Variants in MINK1 observed in about 807,000 individuals in gnomAD.
The protein encoded by MINK1 is misshapen-like kinase 1.
In MINK1, 46 loss-of-function variants were observed where a neutral mutation model predicts 178.4. That is an observed-to-expected ratio of 0.26 (90% CI 0.20 to 0.33). The LOEUF (loss-of-function observed/expected upper bound fraction) is 0.33, where lower values mean the gene tolerates loss of function less well. Ranked by LOEUF, MINK1 falls within the 10% of genes least tolerant of loss-of-function variation. MINK1 has a pLI of 1.00. For missense variants in MINK1, 1,366 were observed against 1,814.9 expected, an observed-to-expected ratio of 0.75 and a Z score of 4.49; for synonymous variants, 797 against 709.7, an observed-to-expected ratio of 1.12 and a Z score of -1.96.
intron 2 of MINK1, among the ~76,000 whole-genome samples, chr17:4,880,584 G>C (rs1188011805): frequency 6.7e-6 from 1 of 148,700 alleles, no homozygotes; most frequent in Non-Finnish European, 1.5e-5. Context: ...ACAGCGCCCG[G>C]CTGAGGGGCA....
chr17:4,873,433 A>G lies in MINK1; in HGVS notation c.58-4884A>G, dbSNP rs56176504. The stretch of plus-strand genomic sequence containing the variant: ...GCCTGTTCTCCCACAGCACAGCATG[A>G]CAATAGAATGTACCTGTGTATCCTT... On this transcript the variant is annotated intron_variant, in intron 1 of 31. Transcript: ENST00000355280. Among the ~76,000 whole-genome samples, 13 of 1,680 alleles carry G rather than the reference A, an allele frequency of 7.7e-3. 1 individual carries two copies. In the African/African-American group the frequency reaches 0.11, roughly 14 times the overall value. The allele number at this position is 1,680 out of a possible 152,430, so 1.1% of individuals were successfully genotyped here.
chr17:4,891,821 G>T (rs1968848511), intron 16 of MINK1, 105 bp downstream of exon 16: 3 of 1,420,336 alleles, frequency 2.1e-6, no homozygotes, highest in Non-Finnish European at 2.8e-6. Flanking sequence ...AGGGCGGGAA[G>T]CGAGAGAAAG....
At chr17:4,845,523 C>T (rs1374716852) in intron 1 of MINK1, among the ~76,000 whole-genome samples, 4 of 152,048 alleles carry the variant, frequency 2.6e-5, no homozygotes, top group South Asian at 2.1e-4. Flanking sequence ...TGTTAAAGGG[C>T]GGTCAACCCT....
rs534621742 is a variant in MINK1 at position 4,886,752 on chromosome 17, G to A, written c.949+126G>A. ...CTTGGCCCCAGCTCTCCCTGTCCAA[G>A]GAGATCGTTCTCAAACTTGCAACCC... On this transcript the variant is annotated intron_variant, in intron 10 of 31. Coordinates refer to ENST00000355280, the MANE Select transcript of MINK1 (RefSeq NM_153827.5). The surrounding 1 kb of genome is among the most constrained non-coding windows in gnomAD (Gnocchi z 6.1). 212 of 1,126,982 alleles carry A rather than the reference G, an allele frequency of 1.9e-4. No homozygotes were observed. Among genetic ancestry groups the A allele is most frequent in the Non-Finnish European group, 2.5e-4 (201 of 820,328 alleles). The allele number at this position is 1,126,982 out of a possible 1,614,324, so 69.8% of individuals were successfully genotyped here. A position where few individuals can be genotyped will look rare whatever the true frequency, so the allele number is the denominator to read the frequency against.
intron 15 of MINK1, 76 bp downstream of exon 15, chr17:4,891,200 G>A (rs74896139): frequency 0.032 from 31,992 of 998,810 alleles, 139 homozygotes; most frequent in Middle Eastern, 0.037. Flanking sequence ...ACACACGCGC[G>A]CACACACACA....
chr17:4,857,463 T>TG (rs1913365036), intron 1 of MINK1: 1 of 138,746 alleles, frequency 7.2e-6, no homozygotes. Context: ...TGCTGGTTTT[T>TG]TTTTTTTTTT....
chr17:4,893,180 G>A (rs1969044012), intron 20 of MINK1, 113 bp downstream of exon 20: 2 of 1,527,258 alleles, frequency 1.3e-6, no homozygotes, highest in Admixed American at 1.8e-5. Flanking sequence ...GGGCTGTGGG[G>A]ATGGAGGGAC....
chr17:4,883,356 C>T (rs1224077844), intron 4 of MINK1: 1 of 151,388 alleles, frequency 6.6e-6, no homozygotes, highest in Non-Finnish European at 1.5e-5. Context: ...AGGTGCCCAC[C>T]ACCACGCCCG....
chr17:4,872,821 C>T (rs1916014089), intron 1 of MINK1, among the ~76,000 whole-genome samples: 2 of 152,082 alleles, frequency 1.3e-5, no homozygotes, highest in African/African-American at 4.8e-5. Flanking sequence ...GGCTTCTTCC[C>T]CTCCATGATG....
intron 1 of MINK1, among the ~76,000 whole-genome samples, chr17:4,859,633 CA>C (rs1403895337): frequency 2.0e-5 from 3 of 151,682 alleles, no homozygotes; most frequent in African/African-American, 7.3e-5. Context: ...ACTAAAAATA[CA>C]AAAATTAGCT....
chr17:4,855,600 A>C (rs1912968308), intron 1 of MINK1, among the ~76,000 whole-genome samples: 1 of 148,316 alleles, frequency 6.7e-6, no homozygotes, highest in Non-Finnish European at 1.5e-5. Context: ...GAAACCCCAT[A>C]TCTACTAAAC....
chr17:4,844,637 C>T (rs1292284740), intron 1 of MINK1: 6 of 476,764 alleles, frequency 1.3e-5, no homozygotes, highest in East Asian at 6.1e-5. Context: ...CAGAGCTCCA[C>T]GGGGCTCGTA....
chr17:4,890,208 A>AC (rs2151036304), intron 13 of MINK1: 973 of 515,524 alleles, frequency 1.9e-3, no homozygotes, highest in Non-Finnish European at 2.2e-3. Flanking sequence ...CCCACCCCAC[A>AC]CCCCGTCCCC....
At chr17:4,873,004 A>G (rs950690669) in intron 1 of MINK1, among the ~76,000 whole-genome samples, 13 of 152,082 alleles carry the variant, frequency 8.5e-5, no homozygotes, top group Middle Eastern at 3.2e-3. Flanking sequence ...CCCTCTGCTC[A>G]CACAGCGGCA....
At chr17:4,897,099 T>G (rs1008858082) in intron 31 of MINK1, 105 bp from the exon 32 acceptor site, 1 of 1,008,618 alleles carries the variant, frequency 9.9e-7, no homozygotes, top group Non-Finnish European at 1.5e-6. Flanking sequence ...AGTCTCTGTG[T>G]CTCCCTCAAC....
intron 1 of MINK1, among the ~76,000 whole-genome samples, chr17:4,874,928 T>C (rs1023075724): frequency 6.6e-6 from 1 of 152,146 alleles, no homozygotes; most frequent in African/African-American, 2.4e-5. Context: ...TAAAATGTAC[T>C]TGTAGTGATT....
At chr17:4,869,547 C>T (rs1283017561) in intron 1 of MINK1, among the ~76,000 whole-genome samples, 2 of 151,590 alleles carry the variant, frequency 1.3e-5, no homozygotes, top group Non-Finnish European at 2.9e-5. Flanking sequence ...AAAGTGCTCA[C>T]ATTACAGGCG....
intron 20 of MINK1, 179 bp downstream of exon 20, chr17:4,893,246 C>CCTCTCTCCTAAT: frequency 1.2e-6 from 2 of 1,613,210 alleles, no homozygotes; most frequent in South Asian, 1.1e-5. Context: ...TCTCTCCTAA[C>CCTCTCTCCTAAT]CTCTCTTCTG....
intron 1 of MINK1, among the ~76,000 whole-genome samples, chr17:4,834,292 T>C (rs1357910373): frequency 6.6e-6 from 1 of 152,142 alleles, no homozygotes; most frequent in Non-Finnish European, 1.5e-5. Flanking sequence ...CATGACCAAC[T>C]CTGCAGCAGC....
Sources: allele counts gnomAD v4.1 joint callset (sites outside exome capture counted in the v4.1 genomes callset), GRCh38; gene constraint gnomAD v4.1.1; non-coding constraint Gnocchi (gnomAD v3.1); transcripts MANE v1.5; gene names NCBI Gene and HGNC (gene_info 2026-07-23, HGNC 2026-07-21).